CAPS2: variants seen among roughly 807,000 people sequenced by gnomAD.
The protein encoded by CAPS2 is calcyphosin-2.
CAPS2 carries 98 observed loss-of-function variants against 86.5 expected under a neutral mutation model. The ratio of observed to expected loss-of-function variants is 1.13; its 90% CI spans 0.96 to 1.34. CAPS2 has a LOEUF of 1.34. Ranked by LOEUF, CAPS2 falls within the 40% of genes most tolerant of loss-of-function variation. CAPS2 has a pLI of 0.00. For synonymous variants in CAPS2, 210 were observed against 225.1 expected (o/e 0.93, Z 0.60); for missense variants, 729 against 686.8 (o/e 1.06, Z -0.69).
At chr12:75,287,617 C>T (rs902946235) in intron 14 of CAPS2, among the ~76,000 whole-genome samples, 2 of 152,142 alleles carry the variant, frequency 1.3e-5, no homozygotes, top group African/African-American at 4.8e-5. Context: ...GGTAGCTAAG[C>T]TTGTGGAGGT....
chr12:75,288,815 G>T (rs1488388474), intron 14 of CAPS2, among the ~76,000 whole-genome samples: 1 of 151,978 alleles, frequency 6.6e-6, no homozygotes, highest in African/African-American at 2.4e-5. Flanking sequence ...AAACACTCTG[G>T]TCCCCACCCT....
chr12:75,388,189 T>C (rs1027699407), intron 1 of CAPS2, among the ~76,000 whole-genome samples: 13 of 152,190 alleles, frequency 8.5e-5, no homozygotes, highest in Non-Finnish European at 1.5e-4. Context: ...GTAGTTCCCC[T>C]GCACATGGTC....
chr12:75,288,274 A>G (rs1258788749), intron 14 of CAPS2, among the ~76,000 whole-genome samples: 1 of 152,196 alleles, frequency 6.6e-6, no homozygotes, highest in Non-Finnish European at 1.5e-5. Flanking sequence ...AAAACCAAAA[A>G]GATGGGTATG....
At chr12:75,326,207 A>G (rs1357155920) in intron 1 of CAPS2, among the ~76,000 whole-genome samples, 2 of 152,258 alleles carry the variant, frequency 1.3e-5, no homozygotes, top group East Asian at 1.9e-4. Context: ...TAATAATACA[A>G]TAAGTTTAAT....
At chr12:75,366,497 T>C (rs1056926577) in intron 1 of CAPS2, among the ~76,000 whole-genome samples, 2 of 152,154 alleles carry the variant, frequency 1.3e-5, no homozygotes, top group African/African-American at 4.8e-5. Flanking sequence ...GACCATAATA[T>C]GTAACTAGTT....
At chr12:75,346,278 A>G (rs1271622282) in intron 1 of CAPS2, among the ~76,000 whole-genome samples, 2 of 152,238 alleles carry the variant, frequency 1.3e-5, no homozygotes, top group Non-Finnish European at 2.9e-5. Context: ...AAACATTCAA[A>G]AGGAAAAATG....
intron 1 of CAPS2, among the ~76,000 whole-genome samples, chr12:75,354,983 G>A (rs1252529485): frequency 6.6e-6 from 1 of 152,156 alleles, no homozygotes; most frequent in Non-Finnish European, 1.5e-5. Context: ...ATTAGCTCAA[G>A]ATGGATTAAA....
upstream of CAPS2, among the ~76,000 whole-genome samples, chr12:75,331,926 C>T (rs904998786): frequency 6.6e-6 from 1 of 152,176 alleles, no homozygotes; most frequent in East Asian, 1.9e-4. Context: ...CTAACCTTGG[C>T]CATTCCAGAA....
chr12:75,340,913 A>G (rs1297086619), intron 1 of CAPS2, among the ~76,000 whole-genome samples: 3 of 152,144 alleles, frequency 2.0e-5, no homozygotes, highest in African/African-American at 7.2e-5. Context: ...GCAAAAATAA[A>G]AAATAATGAC....
At chr12:75,335,746 C>A (rs951142812) in intron 1 of CAPS2, among the ~76,000 whole-genome samples, 5 of 151,882 alleles carry the variant, frequency 3.3e-5, no homozygotes, top group Non-Finnish European at 5.9e-5. Context: ...AGAAATGAAA[C>A]AAGAATAAAC....
chr12:75,282,990 C>T (rs1167459684), intron 15 of CAPS2, among the ~76,000 whole-genome samples: 1 of 152,130 alleles, frequency 6.6e-6, no homozygotes, highest in Non-Finnish European at 1.5e-5. Context: ...TAACTTCCAT[C>T]TCTAGGATTC....
chr12:75,390,531 C>T (rs568000589), intron 1 of CAPS2: 6 of 382,358 alleles, frequency 1.6e-5, no homozygotes, highest in South Asian at 1.2e-4. Flanking sequence ...TTAAGAACTT[C>T]TTTGGCCTTA....
upstream of CAPS2, among the ~76,000 whole-genome samples, chr12:75,326,763 A>T (rs2040824629): frequency 6.6e-6 from 1 of 152,214 alleles, no homozygotes; most frequent in Admixed American, 6.5e-5. Context: ...ATACCACCTT[A>T]CATGGCAAAA....
In CAPS2 at chr12:75,277,704, T is replaced by C. The variant is rs1169257635; in HGVS notation, c.*1186A>G. ...TGCTGCCAAGTATAGATGGATACAG[T>C]GATATGTCTAAAGTCATATTCTACA... On this transcript the variant is annotated 3_prime_UTR_variant, in exon 17 of 17. Coordinates refer to ENST00000393284, the Ensembl canonical transcript of CAPS2. The C allele has an allele frequency of 2.0e-5, 18 of 887,084 alleles. No homozygotes were observed. The African/African-American group carries it at 2.9e-4, about 14-fold the overall frequency. The allele number at this position is 887,084 out of a possible 1,614,324, so 55.0% of individuals were successfully genotyped here. A position where few individuals can be genotyped will look rare whatever the true frequency, so the allele number is the denominator to read the frequency against.
chr12:75,364,801 G>T (rs1366939412), intron 1 of CAPS2: 1 of 151,962 alleles, frequency 6.6e-6, no homozygotes, highest in African/African-American at 2.4e-5. Flanking sequence ...TGTGTCCCAA[G>T]GTGTCTGATA....
intron 14 of CAPS2, among the ~76,000 whole-genome samples, chr12:75,285,976 C>G (rs1417885143): frequency 6.6e-6 from 1 of 152,026 alleles, no homozygotes; most frequent in African/African-American, 2.4e-5. Flanking sequence ...TTACCATTTA[C>G]TTCTTCATCA....
intron 6 of CAPS2, 66 bp from the exon 7 acceptor site, chr12:75,312,981 A>T: frequency 1.1e-6 from 1 of 869,936 alleles, no homozygotes; most frequent in Non-Finnish European, 1.9e-6. Flanking sequence ...CTTAACACAA[A>T]AGTTCTAAAA....
At chr12:75,387,724 T>G (rs2139864375) in intron 1 of CAPS2, among the ~76,000 whole-genome samples, 1 of 152,280 alleles carries the variant, frequency 6.6e-6, no homozygotes, top group East Asian at 1.9e-4. Flanking sequence ...GTAAAGGGGC[T>G]AAACTAATCC....
At chr12:75,385,485 A>T (rs1013408755) in intron 1 of CAPS2, among the ~76,000 whole-genome samples, 2 of 152,172 alleles carry the variant, frequency 1.3e-5, no homozygotes, top group African/African-American at 4.8e-5. Context: ...ATTTACAAAA[A>T]AAAGCTATAG....
Sources: allele counts gnomAD v4.1 joint callset (sites outside exome capture counted in the v4.1 genomes callset), GRCh38; gene constraint gnomAD v4.1.1; transcripts MANE v1.5; gene names NCBI Gene and HGNC (gene_info 2026-07-23, HGNC 2026-07-21).